Variants in STARD9 observed in about 807,000 individuals in gnomAD.
The protein encoded by STARD9 is stAR-related lipid transfer protein 9.
STARD9 carries 346 observed loss-of-function variants against 399.8 expected under a neutral mutation model. The observed-to-expected ratio is 0.87, with a 90% CI of 0.79 to 0.95. STARD9 has a LOEUF of 0.95. STARD9 is among the 40% of genes least tolerant of loss of function. STARD9 has a pLI of 0.00. For missense variants in STARD9, 5,832 were observed against 5,667.5 expected, an observed-to-expected ratio of 1.03 and a Z score of -0.93; for synonymous variants, 2,203 against 2,143.5, an observed-to-expected ratio of 1.03 and a Z score of -0.77.
chr15:42,712,434 GT>G (rs1173872747), intron 26 of STARD9, among the ~76,000 whole-genome samples: 3 of 151,796 alleles, frequency 2.0e-5, no homozygotes, highest in African/African-American at 7.3e-5. Context: ...TCTTCTAAGA[GT>G]TTTATGCTTT....
rs1359164177 is a variant in STARD9, at chr15:42,688,560, C to T, written c.6982C>T (p.His2328Tyr). The T allele has an allele frequency of 6.5e-7, 1 of 1,537,804 alleles. No individual in the cohort carries two copies. Among genetic ancestry groups the T allele is most frequent in the Admixed American group, 2.0e-5 (1 of 51,006 alleles). Residue 2328 changes from histidine to tyrosine, a missense_variant, in exon 23 of 33, where the codon CAC (histidine) becomes TAC (tyrosine). Transcript: ENST00000290607. The stretch of plus-strand genomic sequence containing the variant: ...GACAGAATTCTGTACAGCTCCTCTT[C>T]ACCAAGACCTGAGTAATACCTTGCC... ...SRTEFCTAPL[H>Y]QDLSNTLPLN...
At chr15:42,636,988 C>T (rs978098370) in intron 4 of STARD9, among the ~76,000 whole-genome samples, 1 of 150,920 alleles carries the variant, frequency 6.6e-6, no homozygotes, top group South Asian at 2.1e-4. Flanking sequence ...TCCTTGAACT[C>T]GGGAGATGGA....
At chr15:42,637,413 G>A (rs750826295) in intron 4 of STARD9, among the ~76,000 whole-genome samples, 1 of 151,894 alleles carries the variant, frequency 6.6e-6, no homozygotes, top group Non-Finnish European at 1.5e-5. Flanking sequence ...CAGGGTCTCC[G>A]CAGGTTGCCC....
chr15:42,612,681 AC>A (rs2058874843), intron 3 of STARD9, among the ~76,000 whole-genome samples: 1 of 152,206 alleles, frequency 6.6e-6, no homozygotes, highest in Admixed American at 6.5e-5. Flanking sequence ...AAAAAGAAGC[AC>A]TGACAGAAAT....
chr15:42,719,659 T>C lies in STARD9; in HGVS notation c.*85T>C, dbSNP rs2061416546. 3 of 887,630 alleles carry C rather than the reference T, an allele frequency of 3.4e-6. 1 individual carries two copies. The South Asian group carries it at 4.6e-5, about 14-fold the overall frequency. The allele number at this position is 887,630 out of a possible 1,614,324, so 55.0% of individuals were successfully genotyped here. A position where few individuals can be genotyped will look rare whatever the true frequency, so the allele number is the denominator to read the frequency against. ...TGTGGCAGCTCCTTGTTACTTTCCA[T>C]ACCACAGTGCAGGAAAAGCTGATGC... On this transcript the variant is annotated 3_prime_UTR_variant, in exon 33 of 33. Transcript: ENST00000290607.
In STARD9 at chr15:42,691,566, G is replaced by A. The variant is rs976914157; in HGVS notation, c.9988G>A (p.Gly3330Ser). The A allele has an allele frequency of 3.3e-6, 5 of 1,537,176 alleles. No homozygotes were observed. The highest frequency in any genetic ancestry group is 2.4e-5 in the East Asian group (1 of 40,922). The change falls in exon 23 of 33, where the codon GGC becomes AGC. Residue 3330 changes from glycine to serine, a missense_variant. Gly to Ser is a moderately conservative substitution (Grantham distance 56). Around this residue, in one of 2 missense-constraint regions of STARD9, gnomAD observed 5,828 missense variants for 5,651.1 expected, o/e 1.03. Transcript: ENST00000290607. ...SSPTPQFSVVGSSRSLQELNL... is the reference protein window; with the variant it reads ...SSPTPQFSVVSSSRSLQELNL... ...CCCCACACCACAGTTCTCAGTTGTC[G>A]GCTCTTCTCGTTCTCTTCAGGAGCT...
At chr15:42,670,440 T>C (rs1289210953) in intron 16 of STARD9, 1 of 152,248 alleles carries the variant, frequency 6.6e-6, no homozygotes, top group Non-Finnish European at 1.5e-5. Context: ...TGACCTATGG[T>C]AGATAGAGTC....
At position 42,719,904 on chromosome 15, in the gene STARD9, T is replaced by G. The variant is rs149886378; in HGVS notation, c.*330T>G. ...AGACAGGACACTTAAGGACCAGGAC[T>G]GGGCACAGCCAGCAGAGCCGGGGAC... On this transcript the variant is annotated 3_prime_UTR_variant, in exon 33 of 33. Transcript: ENST00000290607. The G allele has an allele frequency of 2.5e-3, 576 of 231,904 alleles. 6 individuals carry two copies. The highest frequency in any genetic ancestry group is 0.012 in the African/African-American group (543 of 44,066). 14.4% of individuals were successfully genotyped at this position (231,904 alleles called of 1,614,324 possible). A position where few individuals can be genotyped will look rare whatever the true frequency, so the allele number is the denominator to read the frequency against.
chr15:42,671,510 C>T (rs1014731974), intron 16 of STARD9: 1 of 152,018 alleles, frequency 6.6e-6, no homozygotes, highest in African/African-American at 2.4e-5. Flanking sequence ...TAAACTAATC[C>T]TGGTTGGCTA....
chr15:42,684,892 G>A lies in STARD9; in HGVS notation c.3314G>A (p.Ser1105Asn), dbSNP rs1308418957. 4 of 1,537,066 alleles carry A rather than the reference G, an allele frequency of 2.6e-6. No individual in the cohort carries two copies. The highest frequency in any genetic ancestry group is 3.5e-6 in the Non-Finnish European group (4 of 1,146,904). Residue 1105 changes from serine to asparagine, a missense_variant, in exon 23 of 33, where the codon AGC becomes AAC. Ser to Asn is a conservative substitution (Grantham distance 46). This residue lies in a region of STARD9 where 5,828 missense variants were observed against 5,651.1 expected (regional missense o/e 1.03). Transcript: ENST00000290607. ...GACAATGATTTATCTGACACAGATA[G>A]CAACTACTCATTGGATTCTCTCTCA... ...EKDNDLSDTDSNYSLDSLSCV... is the reference protein window; with the variant it reads ...EKDNDLSDTDNNYSLDSLSCV...
At chr15:42,631,276 G>A (rs185235067) in intron 3 of STARD9, among the ~76,000 whole-genome samples, 8 of 151,812 alleles carry the variant, frequency 5.3e-5, no homozygotes, top group Non-Finnish European at 7.4e-5. Context: ...TTCTGTTTCC[G>A]TATCCATTTG....
At chr15:42,675,102 A>G in intron 18 of STARD9, 138 bp downstream of exon 18, 2 of 944,692 alleles carry the variant, frequency 2.1e-6, no homozygotes, top group Non-Finnish European at 2.9e-6. Flanking sequence ...AAGATTTTCT[A>G]ATATGATCCT....
chr15:42,610,734 A>G (rs137864869), intron 3 of STARD9, among the ~76,000 whole-genome samples: 119 of 152,224 alleles, frequency 7.8e-4, no homozygotes, highest in African/African-American at 2.8e-3. Flanking sequence ...TTTAGTAGAG[A>G]CGGGGTTTCG....
chr15:42,694,962 G>A (rs2060808862), intron 24 of STARD9, among the ~76,000 whole-genome samples, 178 bp from the exon 25 acceptor site: 1 of 152,126 alleles, frequency 6.6e-6, no homozygotes, highest in African/African-American at 2.4e-5. Context: ...TCTCAAGGTG[G>A]CTTGGTTCTC....
intron 3 of STARD9, among the ~76,000 whole-genome samples, chr15:42,586,688 A>G (rs902013548): frequency 5.3e-5 from 8 of 152,226 alleles, no homozygotes; most frequent in African/African-American, 1.4e-4. Context: ...CACATATGAA[A>G]GAAAAGACTA....
chr15:42,674,717 A>G (rs1357480449), intron 17 of STARD9, 110 bp from the exon 18 acceptor site: 2 of 1,410,332 alleles, frequency 1.4e-6, no homozygotes, highest in Non-Finnish European at 1.9e-6. Flanking sequence ...TTCCTCTTTT[A>G]TTATGGTATG....
At chr15:42,601,076 A>C (rs529664669) in intron 3 of STARD9, among the ~76,000 whole-genome samples, 1 of 151,894 alleles carries the variant, frequency 6.6e-6, no homozygotes, top group South Asian at 2.1e-4. Context: ...ACTCTTAACG[A>C]GTATGCTGCC....
chr15:42,673,975 G>T (rs148112384), intron 16 of STARD9: 1 of 456,626 alleles, frequency 2.2e-6, no homozygotes, highest in East Asian at 6.9e-5. Context: ...TAAAAATCCT[G>T]TGTTTCCATA....
chr15:42,656,091 C>T (rs1197373273), intron 9 of STARD9, among the ~76,000 whole-genome samples: 2 of 152,030 alleles, frequency 1.3e-5, no homozygotes, highest in Non-Finnish European at 2.9e-5. Context: ...GTCAGTGGCT[C>T]ACGCCTGTAA....
Sources: gnomAD v4.1 joint callset for allele counts (sites outside exome capture counted in the v4.1 genomes callset) on GRCh38, gnomAD v4.1.1 for gene constraint, gnomAD v4.1.1 regional missense constraint, MANE v1.5 for transcripts, NCBI Gene and HGNC (gene_info 2026-07-23, HGNC 2026-07-21) for gene names.